Variants in PSG11 observed in about 807,000 individuals in gnomAD.
PSG11 encodes pregnancy-specific beta-1-glycoprotein 11.
PSG11 carries 42 observed loss-of-function variants against 36.0 expected under a neutral mutation model. That is an observed-to-expected ratio of 1.17 (90% CI 0.91 to 1.51). The LOEUF (loss-of-function observed/expected upper bound fraction) is 1.51, where lower values mean the gene tolerates loss of function less well. PSG11 is among the 40% of genes most tolerant of loss of function. PSG11 has a pLI of 0.00. For synonymous variants in PSG11, 206 were observed against 153.5 expected, an observed-to-expected ratio of 1.34 and a Z score of -2.53; for missense variants, 558 against 403.5, an observed-to-expected ratio of 1.38 and a Z score of -3.28.
At position 43,015,326 on chromosome 19, in the gene PSG11, A is replaced by G. The variant is rs1966933697; in HGVS notation, c.754T>C (p.Tyr252His). ...GACAAGTCGAGGTTCTCTCCTGAAT[A>G]GTAAGAGGTGACTGAAGGGAAAATT... The part of the protein sequence containing the change: ...PRIFPSVTSY[Y>H]SGENLDLSCF... Residue 252 changes from tyrosine to histidine, a missense_variant, in exon 4 of 6, where the codon TAT becomes CAT. By Grantham distance (83) the Tyr-to-His change is moderately conservative. Coordinates refer to ENST00000320078, the MANE Select transcript of PSG11 (RefSeq NM_002785.3). 1 of 1,610,174 alleles carries G rather than the reference A, an allele frequency of 6.2e-7. No homozygotes were observed. The highest frequency in any genetic ancestry group is 2.2e-5 in the East Asian group (1 of 44,788).
rs931335680 is a variant in PSG11 at position 43,008,942 on chromosome 19, T to C, written c.*41-900A>G. Among the ~76,000 whole-genome samples the C allele has an allele frequency of 1.7e-4, 26 of 151,172 alleles. 1 individual carries two copies. Among genetic ancestry groups the C allele is most frequent in the Non-Finnish European group, 3.5e-4 (24 of 67,842 alleles). ...CAATGCCTGGGTCCGTCTCCAGACCTTTAAACTGGAACTAATGGGTGGGGC... is the reference window on the plus strand; with the variant it reads ...CAATGCCTGGGTCCGTCTCCAGACCCTTAAACTGGAACTAATGGGTGGGGC... On this transcript the variant is annotated intron_variant, in intron 5 of 5. Coordinates refer to ENST00000320078, the MANE Select transcript of PSG11 (RefSeq NM_002785.3).
In PSG11 at chr19:43,024,761, G is replaced by A. The variant is rs774849253; in HGVS notation, c.360C>T (p.Tyr120=). 9.9e-6 allele frequency: 16 copies of A among 1,611,828 alleles called. No individual in the cohort carries two copies. The highest frequency in any genetic ancestry group is 1.6e-4 in the Middle Eastern group (1 of 6,080). The stretch of plus-strand genomic sequence containing the variant: ...CACCTCGCTTTATGATGTGTAAGGT[G>A]TAGGATCCTGCGTCCTCCCGGGTGA... ...QNVTREDAGS[Y]TLHIIKRGDG... is the part of the protein sequence containing the mutation. Residue 120 remains tyrosine, a synonymous_variant, in exon 2 of 6, where the codon TAC becomes TAT. Transcript: ENST00000320078.
At position 43,010,012 on chromosome 19, in the gene PSG11, T is replaced by C. The variant is rs201933852; in HGVS notation, c.994A>G (p.Asn332Asp). Reference protein sequence around the residue: ...APPGLGTFAFNNPT With the variant: ...APPGLGTFAFDNPT ...CATCACGGCTGCTACGTTGGATTAT[T>C]GAAAGCAAAAGTTCCTAATCCTGGA... The change falls in exon 5 of 6, where the codon AAT becomes GAT. Residue 332 changes from asparagine to aspartate, a missense_variant. Asn to Asp is a conservative substitution (Grantham distance 23). Coordinates refer to ENST00000320078, the MANE Select transcript of PSG11 (RefSeq NM_002785.3). The C allele has an allele frequency of 6.8e-6, 11 of 1,609,602 alleles. 1 individual carries two copies. The East Asian group carries it at 2.0e-4, about 29-fold the overall frequency.
At chr19:43,008,322 G>A (rs1973981500) in intron 5 of PSG11, among the ~76,000 whole-genome samples, 2 of 151,120 alleles carry the variant, frequency 1.3e-5, no homozygotes, top group East Asian at 1.9e-4. Context: ...ATCCAGACTG[G>A]AGTGCAGTGG....
At chr19:43,022,372 G>A (rs1236216962) in intron 2 of PSG11, among the ~76,000 whole-genome samples, 1 of 151,114 alleles carries the variant, frequency 6.6e-6, no homozygotes, top group African/African-American at 2.4e-5. Context: ...CTACCTAGAG[G>A]CAGATTCAAG....
rs1321499159 is a variant in PSG11 at position 43,014,261 on chromosome 19, A to G, written c.964+855T>C. ...GGTAAGCCTTATATTAGATATATAT[A>G]GTGTCTGGTAGTCTTACCCTCTCTA... On this transcript the variant is annotated intron_variant, in intron 4 of 5. Coordinates refer to ENST00000320078, the MANE Select transcript of PSG11 (RefSeq NM_002785.3). 1.0e-5 allele frequency: 8 copies of G among 771,922 alleles called. 1 individual carries two copies. Among genetic ancestry groups the G allele is most frequent in the Non-Finnish European group, 1.3e-5 (8 of 636,684 alleles). 47.8% of individuals were successfully genotyped at this position (771,922 alleles called of 1,614,324 possible).
At chr19:43,020,606 A>G (rs948832861) in intron 2 of PSG11, among the ~76,000 whole-genome samples, 6 of 151,446 alleles carry the variant, frequency 4.0e-5, no homozygotes, top group Non-Finnish European at 7.4e-5. Flanking sequence ...CTTGAGACCA[A>G]CATAAGGTTT....
intron 1 of PSG11, among the ~76,000 whole-genome samples, chr19:43,025,969 T>C (rs1266058339): frequency 8.0e-6 from 1 of 125,302 alleles, no homozygotes; most frequent in Non-Finnish European, 1.6e-5. Flanking sequence ...TGAGATGGAG[T>C]CTCGTACTGT....
chr19:43,025,508 T>A lies in PSG11; in HGVS notation c.65-452A>T, dbSNP rs374918515. 1.1e-4 allele frequency among the ~76,000 whole-genome samples: 17 copies of A among 151,142 alleles called. No individual in the cohort carries two copies. In the South Asian group the frequency reaches 2.9e-3, roughly 26 times the overall value. On this transcript the variant is annotated intron_variant, in intron 1 of 5. Coordinates refer to ENST00000320078, the MANE Select transcript of PSG11 (RefSeq NM_002785.3). ...TCAACACCTGACCTCACATTCTAGA[T>A]CTCTTTGCATGTCTGACTTCCTCCC...
intron 2 of PSG11, among the ~76,000 whole-genome samples, chr19:43,021,403 G>T (rs1348889891): frequency 6.6e-6 from 1 of 151,204 alleles, no homozygotes; most frequent in Non-Finnish European, 1.5e-5. Context: ...CCAGGCTGGA[G>T]TGCAGTGGCA....
chr19:43,013,094 C>A (rs540885624), intron 4 of PSG11, among the ~76,000 whole-genome samples: 1 of 151,422 alleles, frequency 6.6e-6, no homozygotes, highest in East Asian at 1.9e-4. Flanking sequence ...AGAGTGGAAC[C>A]TTTACCTAAC....
At chr19:43,017,795 T>C (rs1967003577) in intron 3 of PSG11, among the ~76,000 whole-genome samples, 2 of 151,576 alleles carry the variant, frequency 1.3e-5, no homozygotes, top group African/African-American at 4.9e-5. Flanking sequence ...CAGCAATGTT[T>C]TGTAGTTTTC....
rs576542086 is a variant in PSG11 at position 43,018,572 on chromosome 19, A to T, written c.709+198T>A. The T allele has an allele frequency of 4.3e-4, 555 of 1,298,570 alleles. 16 individuals are homozygous for T. The African/African-American group carries it at 7.6e-3, about 18-fold the overall frequency. 80.4% of individuals were successfully genotyped at this position (1,298,570 alleles called of 1,614,324 possible). A position where few individuals can be genotyped will look rare whatever the true frequency, so the allele number is the denominator to read the frequency against. Reference sequence around the variant, plus strand: ...CTGTGGACCCTGAGCCTCCCATGACAGGAGCAGCCTCTTTTCTCCCACTGT... The same window carrying T: ...CTGTGGACCCTGAGCCTCCCATGACTGGAGCAGCCTCTTTTCTCCCACTGT... On this transcript the variant is annotated intron_variant, in intron 3 of 5. Transcript: ENST00000320078.
intron 5 of PSG11, among the ~76,000 whole-genome samples, chr19:43,009,198 A>G (rs1244645634): frequency 6.6e-6 from 1 of 151,334 alleles, no homozygotes; most frequent in Non-Finnish European, 1.5e-5. Context: ...AAAGATCTCA[A>G]CCACACATAG....
chr19:43,013,867 T>C (rs924304960), intron 4 of PSG11, among the ~76,000 whole-genome samples: 2 of 151,424 alleles, frequency 1.3e-5, no homozygotes, highest in African/African-American at 2.4e-5. Flanking sequence ...TGGAAACAAC[T>C]GAAAAGTCCA....
At chr19:43,019,124 G>A in intron 2 of PSG11, 76 bp from the exon 3 acceptor site, 1 of 1,565,218 alleles carries the variant, frequency 6.4e-7, no homozygotes, top group East Asian at 2.3e-5. Flanking sequence ...AATCAGAATT[G>A]GCATTTGCCA....
rs369495163 is a variant in PSG11 at position 43,015,122 on chromosome 19, C to T, written c.958G>A (p.Val320Ile). 3.7e-6 allele frequency: 6 copies of T among 1,611,852 alleles called. No homozygotes were observed. In the African/African-American group the frequency reaches 8.1e-5, roughly 22 times the overall value. Residue 320 changes from valine (V) to isoleucine (I), a missense_variant, in exon 4 of 6, where the codon GTC becomes ATC. By Grantham distance (29) the Val-to-Ile change is conservative (BLOSUM62 3). Coordinates refer to ENST00000320078, the MANE Select transcript of PSG11 (RefSeq NM_002785.3). ...EESSTSLTIRVIAPPGLGTFA... is the reference protein window; with the variant it reads ...EESSTSLTIRIIAPPGLGTFA... ...GATGCTGGGATCCACTTACCAATGA[C>T]TCTGATTGTCAAGGATGTGGAGCTT...
At chr19:43,023,516 T>C (rs916323990) in intron 2 of PSG11, among the ~76,000 whole-genome samples, 5 of 151,202 alleles carry the variant, frequency 3.3e-5, no homozygotes, top group East Asian at 3.9e-4. Context: ...TGCACTGACT[T>C]TGATGGTTGA....
intron 3 of PSG11, chr19:43,017,418 C>T (rs1966994843): frequency 6.6e-6 from 1 of 151,262 alleles, no homozygotes; most frequent in African/African-American, 2.4e-5. Context: ...TCTCTCACCA[C>T]ATTTCTAGCT....
Sources: allele counts gnomAD v4.1 joint callset (sites outside exome capture counted in the v4.1 genomes callset), GRCh38; gene constraint gnomAD v4.1.1; transcripts MANE v1.5; gene names NCBI Gene and HGNC (gene_info 2026-07-23, HGNC 2026-07-21).